Variants in GRIK3 observed in about 807,000 individuals in gnomAD.
GRIK3 encodes glutamate ionotropic receptor kainate type subunit 3, also known as glutamate receptor ionotropic, kainate 3.
Under a neutral mutation model 102.5 loss-of-function variants are expected in GRIK3, and 29 were observed. The ratio of observed to expected loss-of-function variants is 0.28; its 90% CI spans 0.21 to 0.39. The LOEUF (loss-of-function observed/expected upper bound fraction) is 0.39, where lower values mean the gene tolerates loss of function less well. GRIK3 is among the 10% of genes least tolerant of loss of function. The pLI is 1.00. For missense variants in GRIK3, 908 were observed against 1,252.4 expected, an observed-to-expected ratio of 0.73 and a Z score of 4.15; for synonymous variants, 511 against 504.9, an observed-to-expected ratio of 1.01 and a Z score of -0.16.
chr1:36,841,985 G>C, intron 9 of GRIK3, 46 bp from the exon 10 acceptor site: 1 of 1,486,754 alleles, frequency 6.7e-7, no homozygotes, highest in Middle Eastern at 1.9e-4. Context: ...GAGCAGCTAG[G>C]GCGGAGGCAG....
intron 1 of GRIK3, among the ~76,000 whole-genome samples, chr1:37,023,558 G>A (rs1287863553): frequency 6.6e-6 from 1 of 152,188 alleles, no homozygotes; most frequent in Non-Finnish European, 1.5e-5. Context: ...GCTCGTTAAA[G>A]TGTAGGATAG....
intron 1 of GRIK3, among the ~76,000 whole-genome samples, chr1:36,953,303 C>T (rs1570819075): frequency 2.0e-5 from 3 of 152,204 alleles, no homozygotes; most frequent in Middle Eastern, 3.4e-3. Flanking sequence ...CCTGGCCTGG[C>T]ACAGGTAGAG....
chr1:36,814,186 G>A (rs969427654), intron 13 of GRIK3, among the ~76,000 whole-genome samples: 5 of 152,268 alleles, frequency 3.3e-5, no homozygotes, highest in Non-Finnish European at 7.4e-5. Flanking sequence ...GCTGGGGCTA[G>A]CTTCTTGGAA....
At chr1:36,938,645 G>A (rs527685339) in intron 1 of GRIK3, among the ~76,000 whole-genome samples, 1 of 152,040 alleles carries the variant, frequency 6.6e-6, no homozygotes, top group Non-Finnish European at 1.5e-5. Context: ...AGCAGTGTTT[G>A]TGTCACCCCC....
intron 1 of GRIK3, among the ~76,000 whole-genome samples, chr1:36,915,132 A>G (rs1641384725): frequency 6.6e-6 from 1 of 152,212 alleles, no homozygotes; most frequent in African/African-American, 2.4e-5. Flanking sequence ...GGGAGCACCC[A>G]CCATGTGTCA....
intron 1 of GRIK3, among the ~76,000 whole-genome samples, chr1:36,911,695 G>C (rs1641347158): frequency 6.6e-6 from 1 of 152,102 alleles, no homozygotes; most frequent in Non-Finnish European, 1.5e-5. Context: ...CGACCGTGTT[G>C]GGAGGATGGC....
At chr1:36,816,584 G>A (rs1324223883) in intron 13 of GRIK3, among the ~76,000 whole-genome samples, 2 of 152,196 alleles carry the variant, frequency 1.3e-5, no homozygotes, top group South Asian at 2.1e-4. Flanking sequence ...GCTCAGTAAT[G>A]TCTGTAAACA....
chr1:36,970,557 T>C (rs1642130115), intron 1 of GRIK3, among the ~76,000 whole-genome samples: 1 of 152,212 alleles, frequency 6.6e-6, no homozygotes, highest in Non-Finnish European at 1.5e-5. Context: ...AATAAAAGGA[T>C]GGATGGGTGG....
chr1:36,957,780 C>CTG (rs1641938958), intron 1 of GRIK3, among the ~76,000 whole-genome samples: 1 of 138,206 alleles, frequency 7.2e-6, no homozygotes, highest in African/African-American at 2.8e-5. Flanking sequence ...TCCCATGAGT[C>CTG]TGTGCCCCGT....
At chr1:36,893,157 A>C (rs923774011) in intron 1 of GRIK3, among the ~76,000 whole-genome samples, 18 of 152,296 alleles carry the variant, frequency 1.2e-4, no homozygotes, top group Non-Finnish European at 2.2e-4. Flanking sequence ...CCTTTCAAAA[A>C]CATCAGAAAC....
intron 13 of GRIK3, among the ~76,000 whole-genome samples, chr1:36,814,470 C>T (rs1170211729): frequency 6.7e-6 from 1 of 149,308 alleles, no homozygotes; most frequent in Non-Finnish European, 1.5e-5. Flanking sequence ...CCCAGAGACA[C>T]ATTCATATGC....
At chr1:36,859,619 G>T (rs1312028727) in intron 6 of GRIK3, among the ~76,000 whole-genome samples, 1 of 152,060 alleles carries the variant, frequency 6.6e-6, no homozygotes, top group African/African-American at 2.4e-5. Flanking sequence ...CCTGTTCTTT[G>T]TGACCTTTTG....
At chr1:36,862,542 G>C (rs1295096676) in intron 5 of GRIK3, among the ~76,000 whole-genome samples, 1 of 152,172 alleles carries the variant, frequency 6.6e-6, no homozygotes, top group African/African-American at 2.4e-5. Flanking sequence ...GATTACTCGT[G>C]ACTGAGAAAC....
chr1:36,904,382 T>C (rs534050473), intron 1 of GRIK3, among the ~76,000 whole-genome samples: 152 of 152,354 alleles, frequency 1.0e-3, no homozygotes, highest in Non-Finnish European at 1.7e-3. Flanking sequence ...TTTCCTTCTT[T>C]GTGTTTTTCT....
intron 13 of GRIK3, among the ~76,000 whole-genome samples, chr1:36,814,501 A>C: frequency 7.1e-6 from 1 of 140,238 alleles, no homozygotes; most frequent in Non-Finnish European, 1.5e-5. Flanking sequence ...CATTATACAC[A>C]TACATAGACC....
At chr1:36,842,997 C>G (rs1444047618) in intron 9 of GRIK3, among the ~76,000 whole-genome samples, 1 of 152,126 alleles carries the variant, frequency 6.6e-6, no homozygotes, top group Non-Finnish European at 1.5e-5. Flanking sequence ...CCATCCACCC[C>G]CTCCACCTGC....
intron 1 of GRIK3, among the ~76,000 whole-genome samples, chr1:36,964,103 G>C (rs1570830439): frequency 6.6e-6 from 1 of 152,230 alleles, no homozygotes. Flanking sequence ...CGTGGGCCTG[G>C]CCTGGGCAAG....
In GRIK3 at chr1:36,797,493, C is replaced by T. The variant is rs891698795; in HGVS notation, c.*4358G>A. The T allele has an allele frequency of 1.3e-5, 2 of 152,126 alleles. No homozygotes were observed. Among genetic ancestry groups the T allele is most frequent in the East Asian group, 1.9e-4 (1 of 5,182 alleles). 9.4% of individuals were successfully genotyped at this position (152,126 alleles called of 1,614,324 possible). A position where few individuals can be genotyped will look rare whatever the true frequency, so the allele number is the denominator to read the frequency against. Reference sequence around the variant, plus strand: ...CGGCCCTTCCATGGCAGCCAGCAGCCGGGCCACTTCCAGATGTGTCCACTT... The same window carrying T: ...CGGCCCTTCCATGGCAGCCAGCAGCTGGGCCACTTCCAGATGTGTCCACTT... On this transcript the variant is annotated 3_prime_UTR_variant, in exon 16 of 16. Coordinates refer to ENST00000373091, the MANE Select transcript of GRIK3 (RefSeq NM_000831.4).
intron 1 of GRIK3, among the ~76,000 whole-genome samples, chr1:37,026,657 C>G (rs1030275418): frequency 6.6e-6 from 1 of 152,152 alleles, no homozygotes; most frequent in African/African-American, 2.4e-5. Context: ...AATAGCTGCA[C>G]GTGGTTCAAC....
Sources: gnomAD v4.1 joint callset for allele counts (sites outside exome capture counted in the v4.1 genomes callset) on GRCh38, gnomAD v4.1.1 for gene constraint, MANE v1.5 for transcripts, NCBI Gene and HGNC (gene_info 2026-07-23, HGNC 2026-07-21) for gene names.